Variants in MEIS2 observed in about 807,000 individuals in gnomAD.
The protein encoded by MEIS2 is homeobox protein Meis2.
MEIS2 carries 9 observed loss-of-function variants against 58.6 expected under a neutral mutation model. The observed-to-expected ratio is 0.15, with a 90% CI of 0.09 to 0.27. The LOEUF (loss-of-function observed/expected upper bound fraction) is 0.27. Ranked by LOEUF, MEIS2 falls within the 10% of genes least tolerant of loss-of-function variation. The pLI, the probability that MEIS2 is intolerant of heterozygous loss-of-function variation, is 1.00. For synonymous variants in MEIS2, 221 were observed against 228.4 expected, an observed-to-expected ratio of 0.97 and a Z score of 0.29; for missense variants, 427 against 635.0, an observed-to-expected ratio of 0.67 and a Z score of 3.52.
chr15:36,943,987 G>A (rs1567086231), intron 9 of MEIS2, among the ~76,000 whole-genome samples: 1 of 151,972 alleles, frequency 6.6e-6, no homozygotes. Flanking sequence ...AAGATAGAAG[G>A]GTGTCTAGAA....
chr15:36,969,256 T>A (rs2141457419), intron 8 of MEIS2, among the ~76,000 whole-genome samples: 1 of 152,286 alleles, frequency 6.6e-6, no homozygotes, highest in Non-Finnish European at 1.5e-5. Context: ...TAAAAATGAA[T>A]TTCACTATCT....
intron 1 of MEIS2, among the ~76,000 whole-genome samples, chr15:37,098,725 AC>A (rs899387448): frequency 2.6e-5 from 4 of 151,618 alleles, no homozygotes; most frequent in African/African-American, 9.7e-5. Context: ...CCCACCCCTA[AC>A]CCCCCTTCGC....
chr15:37,068,466 T>C (rs555131861), intron 7 of MEIS2, among the ~76,000 whole-genome samples: 11 of 152,182 alleles, frequency 7.2e-5, no homozygotes, highest in Non-Finnish European at 1.3e-4. Context: ...TTCTAAGTTG[T>C]CACAAATTAC....
At chr15:36,993,796 T>C (rs1433886593) in intron 8 of MEIS2, among the ~76,000 whole-genome samples, 1 of 152,152 alleles carries the variant, frequency 6.6e-6, no homozygotes, top group Non-Finnish European at 1.5e-5. Flanking sequence ...AAAGGTACCT[T>C]CTACTGAGGT....
Position 37,100,328 on chromosome 15 carries a change from T to G in MEIS2, c.-862A>C, listed in dbSNP as rs569020725. On this transcript the variant is annotated 5_prime_UTR_variant, in exon 1 of 12. Transcript: ENST00000561208. ...CTCTCTCTCGCTCTCTTTCTCTCTC[T>G]GGGAGATGAGTGAGTGTCAGTAGGT... 6.6e-6 allele frequency: 1 copy of G among 152,506 alleles called. No homozygotes were observed. The highest frequency in any genetic ancestry group is 1.5e-5 in the Non-Finnish European group (1 of 68,036). 9.4% of individuals were successfully genotyped at this position (152,506 alleles called of 1,614,324 possible).
At chr15:36,950,688 G>A (rs2058724509) in intron 8 of MEIS2, among the ~76,000 whole-genome samples, 2 of 152,096 alleles carry the variant, frequency 1.3e-5, no homozygotes, top group Admixed American at 1.3e-4. Flanking sequence ...TTGTGATGGT[G>A]TCAGAATTTT....
At chr15:36,895,028 G>A (rs1294814125) in intron 11 of MEIS2, 123 bp downstream of exon 11, 3 of 947,892 alleles carry the variant, frequency 3.2e-6, no homozygotes, top group East Asian at 2.4e-5. Context: ...AAGAAAGCAG[G>A]CAGAGCAGGC....
At chr15:37,081,982 A>G (rs1393363816) in intron 7 of MEIS2, among the ~76,000 whole-genome samples, 1 of 152,120 alleles carries the variant, frequency 6.6e-6, no homozygotes, top group Non-Finnish European at 1.5e-5. Flanking sequence ...CCCCACTCCA[A>G]AACCTGGGTT....
At chr15:36,989,971 G>A (rs1014502500) in intron 8 of MEIS2, among the ~76,000 whole-genome samples, 6 of 152,150 alleles carry the variant, frequency 3.9e-5, no homozygotes, top group Non-Finnish European at 8.8e-5. Context: ...TTGAGACAGA[G>A]TCTCACTCTG....
At chr15:36,941,071 A>G (rs1425233363) in intron 9 of MEIS2, among the ~76,000 whole-genome samples, 1 of 152,132 alleles carries the variant, frequency 6.6e-6, no homozygotes, top group Admixed American at 6.6e-5. Flanking sequence ...CATTCCACCT[A>G]ACACAAACAC....
chr15:37,010,138 A>G (rs2141628727), intron 8 of MEIS2, among the ~76,000 whole-genome samples: 1 of 151,968 alleles, frequency 6.6e-6, no homozygotes, highest in East Asian at 1.9e-4. Flanking sequence ...CCCAGGCTGG[A>G]GTGCAGTGGC....
intron 7 of MEIS2, among the ~76,000 whole-genome samples, chr15:37,068,993 T>A (rs1245696696): frequency 6.6e-6 from 1 of 152,216 alleles, no homozygotes; most frequent in African/African-American, 2.4e-5. Flanking sequence ...AGTACCAATT[T>A]TTCCTCTAAT....
At chr15:37,061,157 G>T (rs1889162922) in intron 7 of MEIS2, among the ~76,000 whole-genome samples, 1 of 152,098 alleles carries the variant, frequency 6.6e-6, no homozygotes, top group Non-Finnish European at 1.5e-5. Context: ...TCCAGCTCTA[G>T]ATATCCCATC....
chr15:36,964,191 T>G (rs2059283044), intron 8 of MEIS2, among the ~76,000 whole-genome samples: 1 of 152,238 alleles, frequency 6.6e-6, no homozygotes, highest in South Asian at 2.1e-4. Context: ...TCTAGATGTT[T>G]ACAAAAAAAT....
intron 9 of MEIS2, among the ~76,000 whole-genome samples, chr15:36,902,636 C>A (rs1287524170): frequency 6.6e-6 from 1 of 152,168 alleles, no homozygotes; most frequent in Non-Finnish European, 1.5e-5. Flanking sequence ...TATGAGAAGC[C>A]TTGCTCTAGA....
intron 8 of MEIS2, among the ~76,000 whole-genome samples, chr15:37,020,581 C>T (rs1354873416): frequency 2.6e-5 from 4 of 152,028 alleles, no homozygotes; most frequent in South Asian, 2.1e-4. Flanking sequence ...AGGTTCTCTA[C>T]TCCAAGATAA....
chr15:36,917,379 C>A (rs2057326177), intron 9 of MEIS2, among the ~76,000 whole-genome samples: 2 of 152,066 alleles, frequency 1.3e-5, no homozygotes, highest in South Asian at 2.1e-4. Context: ...ATTTTAAAGT[C>A]TTCAAAATTA....
chr15:36,976,403 A>G (rs982091355), intron 8 of MEIS2, among the ~76,000 whole-genome samples: 2 of 151,464 alleles, frequency 1.3e-5, no homozygotes, highest in Admixed American at 1.3e-4. Flanking sequence ...ATTTTTTTAA[A>G]AAGAAAGCAA....
At chr15:37,065,245 T>C (rs1889758129) in intron 7 of MEIS2, among the ~76,000 whole-genome samples, 1 of 152,170 alleles carries the variant, frequency 6.6e-6, no homozygotes, top group African/African-American at 2.4e-5. Context: ...TCTAGACATG[T>C]GGCTTCATGC....
Sources: allele counts gnomAD v4.1 joint callset (sites outside exome capture counted in the v4.1 genomes callset), GRCh38; gene constraint gnomAD v4.1.1; transcripts MANE v1.5; gene names NCBI Gene and HGNC (gene_info 2026-07-23, HGNC 2026-07-21).